Variants in KIF13B observed in about 807,000 individuals in gnomAD.
The protein encoded by KIF13B is kinesin-like protein KIF13B.
In KIF13B, 127 loss-of-function variants were observed where a neutral mutation model predicts 222.0. The ratio of observed to expected loss-of-function variants is 0.57; its 90% CI spans 0.50 to 0.66. The LOEUF (loss-of-function observed/expected upper bound fraction) is 0.66, where lower values mean the gene tolerates loss of function less well. Among genes scored for constraint, KIF13B ranks in the 30% least tolerant of loss-of-function variants. KIF13B has a pLI of 0.00. For missense variants in KIF13B, 2,173 were observed against 2,379.0 expected (o/e 0.91, Z 1.80); for synonymous variants, 976 against 919.0 (o/e 1.06, Z -1.12).
Position 29,109,517 on chromosome 8 carries a change from A to C in KIF13B, c.4084-6T>G. On this transcript the variant is annotated splice_polypyrimidine_tract_variant and splice_region_variant and intron_variant, in intron 33 of 39. Coordinates refer to ENST00000524189, the MANE Select transcript of KIF13B (RefSeq NM_015254.4). ...TGTTCCTTCACTGCAACTTCCTGTG[A>C]ATCAGAAAACATACAGAGGAAAAAG... 1 of 1,612,492 alleles carries C rather than the reference A, an allele frequency of 6.2e-7. No individual in the cohort carries two copies. Among genetic ancestry groups the C allele is most frequent in the South Asian group, 1.1e-5 (1 of 91,050 alleles).
chr8:29,092,826 C>A lies in KIF13B; in HGVS notation c.4377G>T (p.Pro1459=). Residue 1459 remains proline (P), a synonymous_variant, in exon 37 of 40, where the codon CCG becomes CCT. Coordinates refer to ENST00000524189, the MANE Select transcript of KIF13B (RefSeq NM_015254.4). ...GAGACTTGAGGAGCTTTGGCATTTG[C>A]GGCACGAAGGATTTGACAGGATTCA... ...SYLNPVKSFV[P]QMPKLLKSLF... 1.2e-6 allele frequency: 2 copies of A among 1,612,392 alleles called. No individual in the cohort carries two copies. The highest frequency in any genetic ancestry group is 1.7e-6 in the Non-Finnish European group (2 of 1,179,244).
intron 11 of KIF13B, 78 bp downstream of exon 11, chr8:29,167,295 G>T (rs1812045702): frequency 1.6e-6 from 2 of 1,225,084 alleles, no homozygotes; most frequent in Non-Finnish European, 2.4e-6. Context: ...ATCCCTCACA[G>T]CCCAGGGGAA....
At chr8:29,162,356 A>G (rs1811819248) in intron 12 of KIF13B, among the ~76,000 whole-genome samples, 1 of 152,244 alleles carries the variant, frequency 6.6e-6, no homozygotes, top group Middle Eastern at 3.2e-3. Context: ...GCCTAGAAGT[A>G]TACTACCACA....
chr8:29,221,458 C>T (rs1814748437), intron 2 of KIF13B, among the ~76,000 whole-genome samples: 1 of 148,548 alleles, frequency 6.7e-6, no homozygotes, highest in Admixed American at 6.7e-5. Context: ...GAGTGAGACC[C>T]TGTATTTAAA....
intron 2 of KIF13B, among the ~76,000 whole-genome samples, chr8:29,202,834 T>C (rs28733488): frequency 0.012 from 1,802 of 152,030 alleles, 36 homozygotes; most frequent in African/African-American, 0.041. Flanking sequence ...TCAGGCGTCA[T>C]CTCCCCCAAC....
intron 2 of KIF13B, among the ~76,000 whole-genome samples, chr8:29,225,359 G>A (rs987707557): frequency 6.6e-5 from 10 of 152,206 alleles, no homozygotes; most frequent in Admixed American, 1.3e-4. Flanking sequence ...GAGAGATTAA[G>A]TAACATCCTG....
chr8:29,119,516 T>C (rs1382455980), intron 29 of KIF13B, among the ~76,000 whole-genome samples: 2 of 152,124 alleles, frequency 1.3e-5, no homozygotes, highest in African/African-American at 4.8e-5. Flanking sequence ...GTTCCTTTTC[T>C]AGGAGGTGGG....
At chr8:29,222,510 C>T (rs1025121687) in intron 2 of KIF13B, among the ~76,000 whole-genome samples, 4 of 137,692 alleles carry the variant, frequency 2.9e-5, no homozygotes, top group Non-Finnish European at 4.5e-5. Context: ...AAGTCCCACA[C>T]CTGACTTTTT....
intron 2 of KIF13B, among the ~76,000 whole-genome samples, chr8:29,227,632 T>A (rs1410898312): frequency 1.3e-5 from 2 of 152,172 alleles, no homozygotes. Flanking sequence ...GTCAAAGGGT[T>A]CATGACCAAC....
At chr8:29,224,638 CT>C (rs1175007704) in intron 2 of KIF13B, among the ~76,000 whole-genome samples, 1 of 151,720 alleles carries the variant, frequency 6.6e-6, no homozygotes, top group Non-Finnish European at 1.5e-5. Flanking sequence ...AAAGTGTAAC[CT>C]TTTCCCCATC....
intron 15 of KIF13B, among the ~76,000 whole-genome samples, chr8:29,149,079 C>T (rs527542448): frequency 8.5e-5 from 13 of 152,070 alleles, no homozygotes; most frequent in Admixed American, 2.0e-4. Flanking sequence ...TGAGTCTTCA[C>T]GGATAAGGAG....
At chr8:29,072,377 G>T in intron 38 of KIF13B, 61 bp from the exon 39 acceptor site, 1 of 1,201,838 alleles carries the variant, frequency 8.3e-7, no homozygotes, top group South Asian at 2.4e-5. Flanking sequence ...GAACCAAGCA[G>T]GCAGCTTTGA....
chr8:29,228,466 T>TAAAAAAA (rs71551621), intron 2 of KIF13B, among the ~76,000 whole-genome samples: 4 of 68,270 alleles, frequency 5.9e-5, no homozygotes, highest in African/African-American at 2.1e-4. Flanking sequence ...GACTCCATCT[T>TAAAAAAA]AAAAAAATAT....
chr8:29,152,718 G>A (rs1811354093), intron 14 of KIF13B, among the ~76,000 whole-genome samples: 1 of 152,224 alleles, frequency 6.6e-6, no homozygotes, highest in African/African-American at 2.4e-5. Flanking sequence ...TTCAGGCGAT[G>A]CTCCTGCCTC....
At chr8:29,230,160 G>C (rs1157037910) in intron 2 of KIF13B, among the ~76,000 whole-genome samples, 3 of 152,128 alleles carry the variant, frequency 2.0e-5, no homozygotes, top group Non-Finnish European at 4.4e-5. Flanking sequence ...AAAGGAAACA[G>C]AGGCTCAGGG....
rs746026422 is a variant in KIF13B at position 29,165,701 on chromosome 8, G to C, written c.1230C>G (p.Thr410=). ...SEKLIQEMTV[T]WEEKLRKTEE... ...CCGTTTTCCTTAATTTCTCCTCCCA[G>C]GTCACAGTCATTTCCTGGATTAGCT... Residue 410 remains threonine, a synonymous_variant, in exon 12 of 40, where the codon ACC becomes ACG. Coordinates refer to ENST00000524189, the MANE Select transcript of KIF13B (RefSeq NM_015254.4). 7.4e-6 allele frequency: 12 copies of C among 1,613,556 alleles called. No homozygotes were observed. The highest frequency in any genetic ancestry group is 9.3e-6 in the Non-Finnish European group (11 of 1,179,644).
At chr8:29,113,416 C>G in intron 32 of KIF13B, 47 bp downstream of exon 32, 1 of 1,218,348 alleles carries the variant, frequency 8.2e-7, no homozygotes, top group Non-Finnish European at 1.2e-6. Flanking sequence ...GGAGTTGGCT[C>G]TTTTTAAGTG....
At chr8:29,095,115 A>G (rs2133557703) in intron 36 of KIF13B, among the ~76,000 whole-genome samples, 2 of 152,332 alleles carry the variant, frequency 1.3e-5, no homozygotes, top group Non-Finnish European at 2.9e-5. Context: ...ATTTCTCACG[A>G]TTGCTGAAAA....
intron 18 of KIF13B, 132 bp from the exon 19 acceptor site, chr8:29,142,435 T>C (rs991268011): frequency 6.6e-6 from 5 of 752,408 alleles, no homozygotes; most frequent in Admixed American, 2.8e-5. Flanking sequence ...ATCTGTTGAT[T>C]ACAAAGCCTC....
Sources: allele counts gnomAD v4.1 joint callset (sites outside exome capture counted in the v4.1 genomes callset), GRCh38; gene constraint gnomAD v4.1.1; transcripts MANE v1.5; gene names NCBI Gene and HGNC (gene_info 2026-07-23, HGNC 2026-07-21).